The following CHEK1 variants were observed in gnomAD, a reference collection of about 807,000 sequenced individuals.
CHEK1 encodes the protein checkpoint kinase 1.
Under a neutral mutation model 60.2 loss-of-function variants are expected in CHEK1, and 32 were observed. The ratio of observed to expected loss-of-function variants is 0.53; its 90% CI spans 0.40 to 0.71. The LOEUF (loss-of-function observed/expected upper bound fraction) is 0.71, where lower values mean the gene tolerates loss of function less well. CHEK1 is among the 30% of genes least tolerant of loss of function. The pLI, the probability that CHEK1 is intolerant of heterozygous loss-of-function variation, is 0.00. For missense variants in CHEK1, 399 were observed against 564.6 expected, an observed-to-expected ratio of 0.71 and a Z score of 2.97; for synonymous variants, 179 against 187.2, an observed-to-expected ratio of 0.96 and a Z score of 0.36.
chr11:125,643,594 G>A, intron 8 of CHEK1, 198 bp from the exon 9 acceptor site: 1 of 535,180 alleles, frequency 1.9e-6, no homozygotes. Flanking sequence ...TTTGACAAAT[G>A]AGTTTTAGTA....
In CHEK1 at chr11:125,625,364, C is replaced by G. The variant is rs544015677; in HGVS notation, c.-669C>G. The G allele has an allele frequency of 8.0e-4, 204 of 253,716 alleles. No individual in the cohort carries two copies. Among genetic ancestry groups the G allele is most frequent in the South Asian group, 1.7e-3 (11 of 6,316 alleles). The allele number at this position is 253,716 out of a possible 1,614,324, so 15.7% of individuals were successfully genotyped here. A position where few individuals can be genotyped will look rare whatever the true frequency, so the allele number is the denominator to read the frequency against. ...CGCTTTCTCCGGGAAACTTGCCCCG[C>G]CACACACACTTGACTGCGTGGCCAG... On this transcript the variant is annotated 5_prime_UTR_variant, in exon 1 of 13. Coordinates refer to ENST00000438015, the MANE Select transcript of CHEK1 (RefSeq NM_001114122.3).
chr11:125,644,083 T>C lies in CHEK1; in HGVS notation c.924-8T>C. ...AAATGTATGTTTCTTTCTGTCTTAA[T>C]GCCTCAGTGAAGAAAATGTGAAGTA... On this transcript the variant is annotated splice_region_variant and splice_polypyrimidine_tract_variant and intron_variant, in intron 9 of 12. Coordinates refer to ENST00000438015, the MANE Select transcript of CHEK1 (RefSeq NM_001114122.3). The C allele has an allele frequency of 6.2e-7, 1 of 1,607,564 alleles. No individual in the cohort carries two copies. The highest frequency in any genetic ancestry group is 8.5e-7 in the Non-Finnish European group (1 of 1,178,292).
Position 125,637,390 on chromosome 11 carries a change from A to G in CHEK1, c.719-59A>G, listed in dbSNP as rs951830593. The stretch of plus-strand genomic sequence containing the variant: ...AACAGAAAATGTGTTTCTTACCTCA[A>G]GCCATAGGCTTCTCTAACATGATTC... On this transcript the variant is annotated intron_variant, in intron 7 of 12. Transcript: ENST00000438015. 2.0e-5 allele frequency: 28 copies of G among 1,389,898 alleles called. No homozygotes were observed. The African/African-American group carries it at 3.5e-4, about 17-fold the overall frequency. The allele number at this position is 1,389,898 out of a possible 1,614,324, so 86.1% of individuals were successfully genotyped here.
At chr11:125,663,124 G>T (rs1942046743) in intron 13 of CHEK1, among the ~76,000 whole-genome samples, 2 of 146,718 alleles carry the variant, frequency 1.4e-5, no homozygotes. Context: ...TGTCAAATAT[G>T]TCATTTGTGA....
chr11:125,671,894 T>C (rs1315657010), intron 13 of CHEK1: 1 of 152,202 alleles, frequency 6.6e-6, no homozygotes, highest in East Asian at 1.9e-4. Context: ...CGTTTAGTAT[T>C]TCCATTTGCC....
chr11:125,642,588 A>C (rs1941348751), intron 8 of CHEK1, among the ~76,000 whole-genome samples: 1 of 152,214 alleles, frequency 6.6e-6, no homozygotes, highest in Non-Finnish European at 1.5e-5. Context: ...AAGCATGTTT[A>C]AGTGGTTTGG....
At position 125,633,183 on chromosome 11, in the gene CHEK1, T is replaced by G. The variant is rs763944664; in HGVS notation, c.445T>G (p.Phe149Val). The change falls in exon 6 of 13, where the codon TTT becomes GTT. Residue 149 changes from phenylalanine to valine, a missense_variant. Physicochemically the swap from Phe to Val is conservative, Grantham distance 50 (BLOSUM62 -1). Around this residue, in one of 2 missense-constraint regions of CHEK1, gnomAD observed 370 missense variants for 494.8 expected, o/e 0.75. Transcript: ENST00000438015. The stretch of plus-strand genomic sequence containing the variant: ...TTTAGATAACCTCAAAATCTCAGAC[T>G]TTGGCTTGGCAACAGTATTTCGGTA... ...DERDNLKISD[F>V]GLATVFRYNN... The G allele has an allele frequency of 3.8e-6, 6 of 1,592,146 alleles. No homozygotes were observed.
At chr11:125,640,608 C>G (rs1041836746) in intron 8 of CHEK1, among the ~76,000 whole-genome samples, 2 of 151,854 alleles carry the variant, frequency 1.3e-5, no homozygotes, top group African/African-American at 4.8e-5. Flanking sequence ...CTCGCTCTGT[C>G]GCCCAGACTG....
chr11:125,640,142 C>T (rs1256782988), intron 8 of CHEK1, among the ~76,000 whole-genome samples: 1 of 152,208 alleles, frequency 6.6e-6, no homozygotes, highest in Non-Finnish European at 1.5e-5. Flanking sequence ...CCAAGAGTCA[C>T]AGTGATTTTT....
chr11:125,655,132 C>T, intron 12 of CHEK1, 93 bp from the exon 13 acceptor site: 1 of 880,436 alleles, frequency 1.1e-6, no homozygotes, highest in Non-Finnish European at 1.7e-6. Flanking sequence ...AGATGTTTGT[C>T]TCTTGTTACC....
In CHEK1 at chr11:125,672,509, G is replaced by A. The variant is rs1376444674; in HGVS notation, c.*28-3419G>A. The A allele has an allele frequency of 4.6e-6, 7 of 1,527,550 alleles. No individual in the cohort carries two copies. In the Admixed American group the frequency reaches 7.2e-5, roughly 16 times the overall value. 94.6% of individuals were successfully genotyped at this position (1,527,550 alleles called of 1,614,324 possible). A position where few individuals can be genotyped will look rare whatever the true frequency, so the allele number is the denominator to read the frequency against. The stretch of plus-strand genomic sequence containing the variant: ...GCAGATGTGGTCAGTTGTTGACTGG[G>A]GAAGGAACTAAATATAAAATGAGCC... On this transcript the variant is annotated intron_variant, in intron 13 of 13. Transcript: ENST00000428830.
chr11:125,648,026 G>A (rs1043415414), intron 11 of CHEK1, among the ~76,000 whole-genome samples: 3 of 151,428 alleles, frequency 2.0e-5, no homozygotes, highest in Non-Finnish European at 4.4e-5. Flanking sequence ...CATTTTTTTA[G>A]GGTCTTTAAT....
In CHEK1 at chr11:125,653,365, C is replaced by T. The variant is rs375618363; in HGVS notation, c.1234-381C>T. Among the ~76,000 whole-genome samples, 20 of 152,258 alleles carry T rather than the reference C, an allele frequency of 1.3e-4. No individual in the cohort carries two copies. The highest frequency in any genetic ancestry group is 1.9e-4 in the Non-Finnish European group (13 of 68,034). ...GAGTAGCTGGGCCTGTAGGCATGCACCACCATGCCCGCTAATTTTTTGGGA... is the reference window on the plus strand; with the variant it reads ...GAGTAGCTGGGCCTGTAGGCATGCATCACCATGCCCGCTAATTTTTTGGGA... On this transcript the variant is annotated intron_variant, in intron 11 of 12. Transcript: ENST00000438015. The surrounding 1 kb of genome is among the most constrained non-coding windows in gnomAD (Gnocchi z 4.3).
Position 125,667,841 on chromosome 11 carries a change from G to A in CHEK1, c.*28-8087G>A, listed in dbSNP as rs138778497. ...TCACCATGTTGGCCAGGCTGGTCTC[G>A]ATCTCCTGACCTCAAATGATCCACC... On this transcript the variant is annotated intron_variant, in intron 13 of 13. Transcript: ENST00000428830. Among the ~76,000 whole-genome samples the A allele has an allele frequency of 6.8e-3, 1,031 of 152,116 alleles. 51 individuals carry two copies. In the East Asian group the frequency reaches 0.14, roughly 20 times the overall value.
chr11:125,645,324 C>G (rs1202757380), intron 11 of CHEK1, among the ~76,000 whole-genome samples: 1 of 152,062 alleles, frequency 6.6e-6, no homozygotes, highest in African/African-American at 2.4e-5. Context: ...CTCCCATCTC[C>G]CTTGATTGCA....
chr11:125,625,796 A>C lies in CHEK1; in HGVS notation c.-237A>C, dbSNP rs1940562428. 2 of 700,402 alleles carry C rather than the reference A, an allele frequency of 2.9e-6. No individual in the cohort carries two copies. The highest frequency in any genetic ancestry group is 1.7e-5 in the African/African-American group (1 of 57,162). 43.4% of individuals were successfully genotyped at this position (700,402 alleles called of 1,614,324 possible). A position where few individuals can be genotyped will look rare whatever the true frequency, so the allele number is the denominator to read the frequency against. On this transcript the variant is annotated 5_prime_UTR_variant, in exon 1 of 13. Transcript: ENST00000438015. ...CCGTCCTTAAATCTCTTCAGCCAGGATCTCTCCCCGACTGCAAAGCAGCCC... is the reference window on the plus strand; with the variant it reads ...CCGTCCTTAAATCTCTTCAGCCAGGCTCTCTCCCCGACTGCAAAGCAGCCC...
At chr11:125,676,451 G>T (rs776173500), downstream of CHEK1, 6 of 1,613,974 alleles carry the variant, frequency 3.7e-6, 1 homozygote, top group African/African-American at 6.7e-5. Context: ...ATTCATATAA[G>T]CACATGTGTA....
chr11:125,674,762 G>A (rs1247954778), intron 13 of CHEK1, among the ~76,000 whole-genome samples: 2 of 152,150 alleles, frequency 1.3e-5, no homozygotes, highest in Admixed American at 1.3e-4. Flanking sequence ...AAATGATAAA[G>A]GGTATTTTAA....
At chr11:125,644,678 G>A (rs521102) in intron 11 of CHEK1, 35 bp downstream of exon 11, 810,225 of 1,590,376 alleles carry the variant, frequency 0.51, 210,146 homozygotes, top group Admixed American at 0.61. Context: ...ACCTTTTCCT[G>A]AAGAAGAATT....
Sources: allele counts gnomAD v4.1 joint callset (sites outside exome capture counted in the v4.1 genomes callset), GRCh38; gene constraint gnomAD v4.1.1; regional missense constraint gnomAD v4.1.1; non-coding constraint Gnocchi (gnomAD v3.1); transcripts MANE v1.5; gene names NCBI Gene and HGNC (gene_info 2026-07-23, HGNC 2026-07-21).